MAP3K14: variants seen among roughly 807,000 people sequenced by gnomAD.
MAP3K14 encodes the protein mitogen-activated protein kinase kinase kinase 14, also known as NF-kappa-beta-inducing kinase.
MAP3K14 carries 16 observed loss-of-function variants against 99.2 expected under a neutral mutation model. The observed-to-expected ratio is 0.16, with a 90% CI of 0.11 to 0.24. MAP3K14 has a LOEUF of 0.24. MAP3K14 is among the 10% of genes least tolerant of loss of function. MAP3K14 has a pLI of 1.00. For missense variants in MAP3K14, 784 were observed against 1,208.7 expected (o/e 0.65, Z 5.21); for synonymous variants, 462 against 492.4 (o/e 0.94, Z 0.82).
At chr17:45,313,414 C>T (rs1361711120) in intron 1 of MAP3K14, among the ~76,000 whole-genome samples, 1 of 152,162 alleles carries the variant, frequency 6.6e-6, no homozygotes, top group African/African-American at 2.4e-5. Context: ...CTCTCATTTT[C>T]TACTCAAAAC....
intron 1 of MAP3K14, chr17:45,290,975 G>T: frequency 1.9e-6 from 1 of 537,620 alleles, no homozygotes; most frequent in Non-Finnish European, 3.4e-6. Flanking sequence ...CAGTCCCCCG[G>T]TCCTCCCAGT....
intron 6 of MAP3K14, chr17:45,282,123 C>T (rs2044228125): frequency 6.6e-6 from 1 of 152,026 alleles, no homozygotes; most frequent in African/African-American, 2.4e-5. Context: ...CTTTTGTAGA[C>T]ATGCGATCTC....
At chr17:45,283,415 T>A (rs1433930129) in intron 6 of MAP3K14, among the ~76,000 whole-genome samples, 3 of 152,146 alleles carry the variant, frequency 2.0e-5, no homozygotes, top group Non-Finnish European at 2.9e-5. Flanking sequence ...GGGCGGAGTT[T>A]TCGTATTCGA....
chr17:45,267,700 T>A lies in MAP3K14; in HGVS notation c.2032A>T (p.Asn678Tyr). The A allele has an allele frequency of 6.2e-7, 1 of 1,613,834 alleles. No individual in the cohort carries two copies. Among genetic ancestry groups the A allele is most frequent in the Non-Finnish European group, 8.5e-7 (1 of 1,179,852 alleles). ...AGGGTCTGGTGGTAATTGGCTTGATTTGGCGGTGGATGTCTTGGTTCTTTA... is the reference window on the plus strand; with the variant it reads ...AGGGTCTGGTGGTAATTGGCTTGATATGGCGGTGGATGTCTTGGTTCTTTA... Reference protein sequence around the residue: ...EYKEPRHPPPNQANYHQTLHA... With the variant: ...EYKEPRHPPPYQANYHQTLHA... The change falls in exon 12 of 16, where the codon AAT (asparagine) becomes TAT (tyrosine). Residue 678 changes from asparagine to tyrosine, a missense_variant. Transcript: ENST00000344686. The surrounding 1 kb of genome is among the most constrained non-coding windows in gnomAD (Gnocchi z 5.1).
intron 1 of MAP3K14, among the ~76,000 whole-genome samples, chr17:45,298,967 C>G (rs1175954670): frequency 2.0e-5 from 3 of 152,060 alleles, no homozygotes; most frequent in African/African-American, 7.2e-5. Flanking sequence ...AAGACCTGCC[C>G]AAGAAAAAGG....
chr17:45,299,188 G>C (rs181183945), intron 1 of MAP3K14, among the ~76,000 whole-genome samples: 2 of 152,072 alleles, frequency 1.3e-5, no homozygotes, highest in African/African-American at 4.8e-5. Context: ...ATGAGTGAGC[G>C]GGGTATAATT....
chr17:45,278,861 G>A (rs1255134296), intron 6 of MAP3K14, among the ~76,000 whole-genome samples: 1 of 151,734 alleles, frequency 6.6e-6, no homozygotes, highest in African/African-American at 2.4e-5. Flanking sequence ...ATGGGGTTTC[G>A]CCATATTGCC....
intron 6 of MAP3K14, among the ~76,000 whole-genome samples, chr17:45,279,572 G>A (rs1438394753): frequency 1.3e-5 from 2 of 151,914 alleles, no homozygotes; most frequent in Non-Finnish European, 1.5e-5. Context: ...AGCTGGTGGC[G>A]CCATCATGCC....
intron 6 of MAP3K14, among the ~76,000 whole-genome samples, chr17:45,280,391 C>A (rs1210180318): frequency 6.6e-6 from 1 of 151,440 alleles, no homozygotes; most frequent in Non-Finnish European, 1.5e-5. Context: ...GCAACCTCCG[C>A]CTCCTGGGTT....
In MAP3K14 at chr17:45,270,408, C is replaced by T; in HGVS notation, c.1972+5G>A. The T allele has an allele frequency of 1.2e-6, 2 of 1,610,094 alleles. No homozygotes were observed. Among genetic ancestry groups the T allele is most frequent in the Non-Finnish European group, 1.7e-6 (2 of 1,179,060 alleles). On this transcript the variant is annotated splice_donor_5th_base_variant and intron_variant, in intron 11 of 15. Transcript: ENST00000344686. ...CCGGGTCAGCCAGCGTGGGGCTCTT[C>T]CTACCTTGCTGTAGTGCCCGGTTCA...
chr17:45,310,027 CTTT>C (rs59117060), intron 1 of MAP3K14, among the ~76,000 whole-genome samples: 2 of 98,826 alleles, frequency 2.0e-5, no homozygotes, highest in African/African-American at 4.2e-5. Context: ...AGGAGTCCAT[CTTT>C]TTTTTTTTTT....
At position 45,266,688 on chromosome 17, in the gene MAP3K14, C is replaced by T. The variant is rs1176591005; in HGVS notation, c.2434-7G>A. 6 of 1,605,642 alleles carry T rather than the reference C, an allele frequency of 3.7e-6. No homozygotes were observed. In the Admixed American group the frequency reaches 8.4e-5, roughly 22 times the overall value. On this transcript the variant is annotated splice_region_variant and splice_polypyrimidine_tract_variant and intron_variant, in intron 13 of 15. Transcript: ENST00000344686. ...GAGAGGCCTTTGATGGGTTCTGAAACAACAGGATTGGGTACGGGCTCAGGG... is the reference window on the plus strand; with the variant it reads ...GAGAGGCCTTTGATGGGTTCTGAAATAACAGGATTGGGTACGGGCTCAGGG...
chr17:45,280,592 A>G (rs1317127514), intron 6 of MAP3K14, among the ~76,000 whole-genome samples: 1 of 151,526 alleles, frequency 6.6e-6, no homozygotes, highest in Non-Finnish European at 1.5e-5. Context: ...GGCGTGAGCC[A>G]CCACACCCGG....
intron 1 of MAP3K14, among the ~76,000 whole-genome samples, chr17:45,299,365 T>C (rs2044369450): frequency 6.6e-6 from 1 of 151,576 alleles, no homozygotes; most frequent in South Asian, 2.1e-4. Flanking sequence ...TCAGCATGTA[T>C]AACATAACAA....
intron 1 of MAP3K14, among the ~76,000 whole-genome samples, chr17:45,295,672 C>G (rs1402868113): frequency 3.3e-5 from 5 of 152,190 alleles, no homozygotes; most frequent in African/African-American, 9.7e-5. Flanking sequence ...AGACTGCTGC[C>G]TCCTAAGCCG....
intron 6 of MAP3K14, among the ~76,000 whole-genome samples, chr17:45,275,421 T>C (rs1451174998): frequency 6.8e-6 from 1 of 147,372 alleles, no homozygotes; most frequent in Non-Finnish European, 1.5e-5. Context: ...TGAGCCAAGG[T>C]CGCAATAAGC....
intron 9 of MAP3K14, among the ~76,000 whole-genome samples, chr17:45,271,641 C>T (rs1419060897): frequency 1.3e-5 from 2 of 152,162 alleles, no homozygotes; most frequent in Admixed American, 6.5e-5. Flanking sequence ...CCACTGTGCC[C>T]GGACATGTTA....
intron 1 of MAP3K14, among the ~76,000 whole-genome samples, chr17:45,293,358 T>C (rs2044325957): frequency 6.6e-6 from 1 of 152,126 alleles, no homozygotes. Context: ...CTAGAACTCC[T>C]CCAGAGGGGG....
intron 8 of MAP3K14, 120 bp downstream of exon 8, chr17:45,274,003 G>T: frequency 8.3e-7 from 1 of 1,199,164 alleles, no homozygotes; most frequent in African/African-American, 1.5e-5. Context: ...AGTCCTGTCA[G>T]CCTGACTCAG....
Sources: allele counts gnomAD v4.1 joint callset (sites outside exome capture counted in the v4.1 genomes callset), GRCh38; gene constraint gnomAD v4.1.1; non-coding constraint Gnocchi (gnomAD v3.1); transcripts MANE v1.5; gene names NCBI Gene and HGNC (gene_info 2026-07-23, HGNC 2026-07-21).